FABP6: variants seen among roughly 807,000 people sequenced by gnomAD.
FABP6 encodes the protein fatty acid binding protein 6, also known as gastrotropin.
FABP6 carries 13 observed loss-of-function variants against 14.9 expected under a neutral mutation model. That is an observed-to-expected ratio of 0.87 (90% CI 0.57 to 1.39). FABP6 has a LOEUF of 1.39. Among genes scored for constraint, FABP6 ranks in the 40% most tolerant of loss-of-function variants. The pLI is 0.00. For missense variants in FABP6, 161 were observed against 167.2 expected, an observed-to-expected ratio of 0.96 and a Z score of 0.20; for synonymous variants, 75 against 63.6, an observed-to-expected ratio of 1.18 and a Z score of -0.85.
At chr5:160,200,639 C>T (rs1244300929) in intron 2 of FABP6, among the ~76,000 whole-genome samples, 1 of 152,164 alleles carries the variant, frequency 6.6e-6, no homozygotes, top group Non-Finnish European at 1.5e-5. Context: ...GTCTTGAACT[C>T]CTGACCTCAG....
chr5:160,222,860 T>G (rs538320996), intron 3 of FABP6, among the ~76,000 whole-genome samples: 2 of 152,324 alleles, frequency 1.3e-5, no homozygotes, highest in Admixed American at 1.3e-4. Context: ...TGTAAGAATG[T>G]TCTAGACCCC....
chr5:160,209,846 C>T (rs1211299099), intron 2 of FABP6, among the ~76,000 whole-genome samples: 1 of 152,148 alleles, frequency 6.6e-6, no homozygotes, highest in Non-Finnish European at 1.5e-5. Flanking sequence ...CCACTGCGTC[C>T]AGCCCTTTTC....
chr5:160,234,676 C>T (rs891791362), intron 2 of FABP6, 144 bp from the exon 3 acceptor site: 1 of 411,078 alleles, frequency 2.4e-6, no homozygotes, highest in Non-Finnish European at 4.3e-6. Context: ...ATCCGCCTGC[C>T]TCAGTCTCCC....
intron 2 of FABP6, among the ~76,000 whole-genome samples, chr5:160,234,142 A>C (rs1760454230): frequency 6.6e-6 from 1 of 152,132 alleles, no homozygotes; most frequent in Non-Finnish European, 1.5e-5. Context: ...TCCTGTGCAA[A>C]TAACTCACAA....
chr5:160,229,270 T>G (rs1299687115), upstream of FABP6, among the ~76,000 whole-genome samples: 1 of 152,054 alleles, frequency 6.6e-6, no homozygotes, highest in Non-Finnish European at 1.5e-5. Flanking sequence ...GAGGGAGAGA[T>G]GGGCAGAGAG....
chr5:160,204,074 G>A (rs1428919687), intron 2 of FABP6, among the ~76,000 whole-genome samples: 1 of 151,128 alleles, frequency 6.6e-6, no homozygotes, highest in Non-Finnish European at 1.5e-5. Context: ...GCCAGGCAGA[G>A]GTTGCAGTGA....
At chr5:160,231,965 T>G in intron 1 of FABP6, 133 bp from the exon 2 acceptor site, 2 of 993,060 alleles carry the variant, frequency 2.0e-6, no homozygotes, top group South Asian at 1.7e-5. Context: ...TCAGGCACTG[T>G]GCTCTTAACC....
At chr5:160,194,964 A>T (rs1358454760) in intron 1 of FABP6, among the ~76,000 whole-genome samples, 1 of 152,230 alleles carries the variant, frequency 6.6e-6, no homozygotes, top group Non-Finnish European at 1.5e-5. Flanking sequence ...ATACACAGAC[A>T]GAGTATTTCC....
intron 2 of FABP6, among the ~76,000 whole-genome samples, chr5:160,202,011 G>A (rs903674467): frequency 1.3e-5 from 2 of 152,098 alleles, no homozygotes; most frequent in East Asian, 1.9e-4. Context: ...CGATCTGCTC[G>A]CCTTCACCTC....
chr5:160,210,479 A>C (rs1178619400), intron 2 of FABP6, among the ~76,000 whole-genome samples: 1 of 152,208 alleles, frequency 6.6e-6, no homozygotes. Context: ...AGCAGTGGGC[A>C]AGTGGGGTAG....
intron 2 of FABP6, among the ~76,000 whole-genome samples, chr5:160,203,707 T>C (rs1441201971): frequency 4.0e-5 from 6 of 151,630 alleles, no homozygotes; most frequent in Non-Finnish European, 5.9e-5. Context: ...ATATTTCTTT[T>C]TTTTTTTTTT....
At chr5:160,194,023 G>A (rs2113058028) in intron 1 of FABP6, among the ~76,000 whole-genome samples, 1 of 152,358 alleles carries the variant, frequency 6.6e-6, no homozygotes, top group South Asian at 2.1e-4. Flanking sequence ...GCTGGCTGCA[G>A]GTCCCGAGCC....
intron 1 of FABP6, among the ~76,000 whole-genome samples, chr5:160,193,240 G>C (rs1759435189): frequency 6.6e-6 from 1 of 152,116 alleles, no homozygotes; most frequent in Non-Finnish European, 1.5e-5. Flanking sequence ...GACTTTCGCG[G>C]TGAGTGTTGC....
chr5:160,205,975 T>C (rs962133831), intron 2 of FABP6, among the ~76,000 whole-genome samples: 1 of 152,216 alleles, frequency 6.6e-6, no homozygotes, highest in Non-Finnish European at 1.5e-5. Context: ...TTTTCTTTTC[T>C]TTCTTTTCTT....
chr5:160,198,059 G>C (rs529851164), intron 1 of FABP6: 33 of 152,688 alleles, frequency 2.2e-4, no homozygotes, highest in Non-Finnish European at 3.8e-4. Flanking sequence ...AAGGGGGAAG[G>C]GGGTAGGGAG....
chr5:160,225,346 T>C (rs1760221406), upstream of FABP6, among the ~76,000 whole-genome samples: 1 of 151,818 alleles, frequency 6.6e-6, no homozygotes, highest in South Asian at 2.1e-4. Flanking sequence ...CCTCCCACCT[T>C]GGCCTCCCAA....
chr5:160,237,807 A>G (rs1350527425), intron 3 of FABP6, among the ~76,000 whole-genome samples: 2 of 152,070 alleles, frequency 1.3e-5, no homozygotes, highest in African/African-American at 4.8e-5. Context: ...AGCCATTCCT[A>G]TCTCCCTTTC....
intron 2 of FABP6, among the ~76,000 whole-genome samples, chr5:160,206,973 C>T (rs909631423): frequency 1.3e-5 from 2 of 152,254 alleles, no homozygotes; most frequent in Admixed American, 6.5e-5. Context: ...AGAAGAAAAA[C>T]CTACTTTGCC....
intron 3 of FABP6, among the ~76,000 whole-genome samples, chr5:160,214,419 C>A (rs1489324254): frequency 6.6e-6 from 1 of 151,992 alleles, no homozygotes; most frequent in Admixed American, 6.6e-5. Context: ...CTCACCTCAG[C>A]CTCCCAAAGT....
Sources: gnomAD v4.1 joint callset for allele counts (sites outside exome capture counted in the v4.1 genomes callset) on GRCh38, gnomAD v4.1.1 for gene constraint, MANE v1.5 for transcripts, NCBI Gene and HGNC (gene_info 2026-07-23, HGNC 2026-07-21) for gene names.